NBAS: variants seen among roughly 807,000 people sequenced by gnomAD.
The protein encoded by NBAS is NAG/BC035112 fusion.
NBAS carries 219 observed loss-of-function variants against 302.5 expected under a neutral mutation model. The ratio of observed to expected loss-of-function variants is 0.72; its 90% CI spans 0.65 to 0.81. The LOEUF (loss-of-function observed/expected upper bound fraction) is 0.81. NBAS is among the 30% of genes least tolerant of loss of function. The pLI is 0.00. For synonymous variants in NBAS, 1,118 were observed against 1,021.6 expected (o/e 1.09, Z -1.80); for missense variants, 2,932 against 2,841.6 (o/e 1.03, Z -0.72).
chr2:15,005,664 C>G, the NBAS span, among the ~76,000 whole-genome samples: 4 of 152,212 alleles, frequency 2.6e-5, no homozygotes, highest in Non-Finnish European at 5.9e-5. Flanking sequence ...TCCAGATTCT[C>G]TTATCAAAGA....
intron 23 of NBAS, among the ~76,000 whole-genome samples, chr2:15,420,369 G>A (rs558942409): frequency 2.0e-5 from 3 of 152,316 alleles, no homozygotes; most frequent in South Asian, 4.1e-4. Context: ...TCAGCAGGGC[G>A]GTGGGAGTCG....
intron 48 of NBAS, among the ~76,000 whole-genome samples, chr2:15,210,946 A>G (rs993805378): frequency 7.2e-5 from 11 of 152,164 alleles, no homozygotes; most frequent in African/African-American, 2.7e-4. Context: ...ATGCAGATAG[A>G]GAATAGAAGG....
chr2:15,202,471 A>G (rs1024724929), intron 48 of NBAS, among the ~76,000 whole-genome samples: 1 of 151,468 alleles, frequency 6.6e-6, no homozygotes, highest in Non-Finnish European at 1.5e-5. Context: ...AAGACAAATA[A>G]TCAATCATAT....
At chr2:15,482,163 C>G (rs1680453629) in intron 12 of NBAS, among the ~76,000 whole-genome samples, 1 of 152,220 alleles carries the variant, frequency 6.6e-6, no homozygotes, top group African/African-American at 2.4e-5. Flanking sequence ...CAAGGTTTCT[C>G]TCTGTCACCC....
chr2:15,096,180 T>C, the NBAS span, among the ~76,000 whole-genome samples: 1 of 152,232 alleles, frequency 6.6e-6, no homozygotes, highest in Non-Finnish European at 1.5e-5. Context: ...GGCTGAACAG[T>C]TGTCCTTCAC....
chr2:14,898,706 G>A, the NBAS span, among the ~76,000 whole-genome samples: 1 of 152,178 alleles, frequency 6.6e-6, no homozygotes, highest in Non-Finnish European at 1.5e-5. Flanking sequence ...CTCTTTGCCT[G>A]CTGCCATCCA....
the NBAS span, among the ~76,000 whole-genome samples, chr2:14,793,068 TTCTCTCTCTCTC>T: frequency 1.4e-5 from 2 of 147,316 alleles, no homozygotes; most frequent in Non-Finnish European, 3.0e-5. Flanking sequence ...CTGTCTCTGT[TTCTCTCTCTCTC>T]TCTCTCTCTC....
rs201181897 is a variant in NBAS at position 15,330,658 on chromosome 2, C to T, written c.4287G>A (p.Leu1429=). The change falls in exon 36 of 52, where the codon CTG becomes CTA. Residue 1429 remains leucine, a synonymous_variant. Coordinates refer to ENST00000281513, the MANE Select transcript of NBAS (RefSeq NM_015909.4). Reference sequence around the variant, plus strand: ...ACCACTGCCCATCACTGACGGCCTGCAGCACCGCTTTGGTGGTGGTTGTGG... The same window carrying T: ...ACCACTGCCCATCACTGACGGCCTGTAGCACCGCTTTGGTGGTGGTTGTGG... The part of the protein sequence containing the change: ...SNTTTTTKAV[L]QAVSDGQWWK... 7 of 1,614,038 alleles carry T rather than the reference C, an allele frequency of 4.3e-6. No homozygotes were observed. In the East Asian group the frequency reaches 1.6e-4, roughly 36 times the overall value.
chr2:15,190,194 G>C, intron 49 of NBAS, 70 bp downstream of exon 49: 1 of 1,539,936 alleles, frequency 6.5e-7, no homozygotes, highest in Non-Finnish European at 9.0e-7. Context: ...TCTTTGGAAG[G>C]TGCTACATTT....
chr2:15,333,080 A>C (rs1672425232), intron 35 of NBAS, among the ~76,000 whole-genome samples: 1 of 152,260 alleles, frequency 6.6e-6, no homozygotes, highest in African/African-American at 2.4e-5. Context: ...GAGAGGTATT[A>C]ACACATATAG....
chr2:15,108,014 T>C, the NBAS span, among the ~76,000 whole-genome samples: 4 of 152,158 alleles, frequency 2.6e-5, no homozygotes, highest in Non-Finnish European at 4.4e-5. Context: ...CATGTATCAA[T>C]AGTTCATTCC....
At chr2:14,968,228 C>T in the NBAS span, among the ~76,000 whole-genome samples, 2 of 152,112 alleles carry the variant, frequency 1.3e-5, no homozygotes, top group African/African-American at 2.4e-5. Flanking sequence ...CATGGGATAA[C>T]CATGACACAG....
chr2:15,449,838 G>A (rs1442748302), intron 21 of NBAS, among the ~76,000 whole-genome samples: 1 of 152,112 alleles, frequency 6.6e-6, no homozygotes, highest in Non-Finnish European at 1.5e-5. Flanking sequence ...CACCTCAGAA[G>A]GCCAAACACT....
the NBAS span, among the ~76,000 whole-genome samples, chr2:15,055,874 AT>A: frequency 6.6e-6 from 1 of 152,230 alleles, no homozygotes; most frequent in Non-Finnish European, 1.5e-5. Flanking sequence ...TATACAGCAG[AT>A]CCCAAAATGC....
At chr2:15,236,527 C>CAAAAAAAA (rs1167993098) in intron 45 of NBAS, among the ~76,000 whole-genome samples, 3 of 28,306 alleles carry the variant, frequency 1.1e-4, no homozygotes, top group Admixed American at 5.8e-4. Flanking sequence ...GACCCTGTCT[C>CAAAAAAAA]AAAAAAAAAA....
At chr2:15,314,987 T>C (rs896155149) in intron 38 of NBAS, among the ~76,000 whole-genome samples, 1 of 152,132 alleles carries the variant, frequency 6.6e-6, no homozygotes, top group Admixed American at 6.5e-5. Context: ...AATCAGAGCA[T>C]GGGGTGCCCT....
At chr2:15,456,997 T>C (rs955854101) in intron 21 of NBAS, among the ~76,000 whole-genome samples, 1 of 151,726 alleles carries the variant, frequency 6.6e-6, no homozygotes, top group East Asian at 1.9e-4. Flanking sequence ...ATATGCTGAG[T>C]AGAGATTCAG....
At chr2:15,366,758 C>G (rs562220838) in intron 31 of NBAS, 65 bp from the exon 32 acceptor site, 176 of 1,429,714 alleles carry the variant, frequency 1.2e-4, no homozygotes, top group Non-Finnish European at 1.7e-4. Flanking sequence ...TAATGGCCTT[C>G]CTAATGCAAG....
chr2:15,052,616 G>A, the NBAS span, among the ~76,000 whole-genome samples: 1 of 152,138 alleles, frequency 6.6e-6, no homozygotes, highest in East Asian at 1.9e-4. Context: ...AGGCCTCATC[G>A]ACTCATGACA....
Sources: allele counts gnomAD v4.1 joint callset (sites outside exome capture counted in the v4.1 genomes callset), GRCh38; gene constraint gnomAD v4.1.1; transcripts MANE v1.5; gene names NCBI Gene and HGNC (gene_info 2026-07-23, HGNC 2026-07-21).